EP400: variants seen among roughly 807,000 people sequenced by gnomAD.
The protein encoded by EP400 is E1A-binding protein p400.
Under a neutral mutation model 354.1 loss-of-function variants are expected in EP400, and 105 were observed. The observed-to-expected ratio is 0.30, with a 90% confidence interval of 0.25 to 0.35. The LOEUF (loss-of-function observed/expected upper bound fraction) is 0.35, where lower values mean the gene tolerates loss of function less well. Among genes scored for constraint, EP400 ranks in the 10% least tolerant of loss-of-function variants. EP400 has a pLI of 1.00. For synonymous variants in EP400, 1,646 were observed against 1,716.9 expected (o/e 0.96, Z 1.02); for missense variants, 3,280 against 4,121.0 (o/e 0.80, Z 5.59).
intron 32 of EP400, among the ~76,000 whole-genome samples, chr12:132,039,874 A>T (rs1894839804): frequency 6.6e-6 from 1 of 152,174 alleles, no homozygotes; most frequent in African/African-American, 2.4e-5. Context: ...CCCCATCTCT[A>T]CAAGAAGAAT....
Position 132,017,271 on chromosome 12 carries a change from G to A in EP400, c.3924-264G>A, listed in dbSNP as rs528118605. Among the ~76,000 whole-genome samples, 16 of 152,344 alleles carry A rather than the reference G, an allele frequency of 1.1e-4. No individual in the cohort carries two copies. In the South Asian group the frequency reaches 3.3e-3, roughly 32 times the overall value. ...CCCCCACTTCTCTTTCAGAGCACTC[G>A]GTATGATTGTGAATGAAGTGGAGTG... On this transcript the variant is annotated intron_variant, in intron 19 of 52. Transcript: ENST00000389561. The surrounding 1 kb of genome is among the most constrained non-coding windows in gnomAD (Gnocchi z 5.0).
chr12:132,052,962 A>C lies in EP400; in HGVS notation c.7395-184A>C, dbSNP rs1417676375. On this transcript the variant is annotated intron_variant, in intron 41 of 52. Coordinates refer to ENST00000389561, the MANE Select transcript of EP400 (RefSeq NM_015409.5). The surrounding 1 kb of genome is among the most constrained non-coding windows in gnomAD (Gnocchi z 4.4). Reference sequence around the variant, plus strand: ...GCCTCAAGGAAGAGGACTCAGCGCCAGGCTGAGGATGAGGTCTAGGTGGCT... The same window carrying C: ...GCCTCAAGGAAGAGGACTCAGCGCCCGGCTGAGGATGAGGTCTAGGTGGCT... 9.9e-5 allele frequency among the ~76,000 whole-genome samples: 15 copies of C among 152,050 alleles called. No homozygotes were observed. Among genetic ancestry groups the C allele is most frequent in the Admixed American group, 9.8e-4 (15 of 15,270 alleles).
rs1361212679 is a variant in EP400, at chr12:131,960,733, C to T, written c.114C>T (p.Pro38=). 1.4e-5 allele frequency: 23 copies of T among 1,610,082 alleles called. No homozygotes were observed. Among genetic ancestry groups the T allele is most frequent in the African/African-American group, 2.7e-5 (2 of 74,450 alleles). ...CCCACCCCAACCCACCCCCGTCCCC[C>T]GCAGCTCCCTTCGCTCCCTCAGCAA... The part of the protein sequence containing the change: ...QPAHPNPPPS[P]AAPFAPSASP... The change falls in exon 2 of 53, where the codon CCC becomes CCT. Residue 38 remains proline, a synonymous_variant. Coordinates refer to ENST00000389561, the MANE Select transcript of EP400 (RefSeq NM_015409.5).
At chr12:131,972,302 G>C (rs1050177750) in intron 2 of EP400, among the ~76,000 whole-genome samples, 9 of 151,880 alleles carry the variant, frequency 5.9e-5, no homozygotes, top group Non-Finnish European at 7.4e-5. Context: ...ACAGGCCCCT[G>C]CGACCACGCC....
intron 12 of EP400, among the ~76,000 whole-genome samples, chr12:132,004,853 T>G (rs1893528635): frequency 6.6e-6 from 1 of 152,192 alleles, no homozygotes; most frequent in Non-Finnish European, 1.5e-5. Flanking sequence ...ATTTTACACC[T>G]TTTATCAGTA....
At position 132,054,632 on chromosome 12, in the gene EP400, G is replaced by C. The variant is rs1395776564; in HGVS notation, c.7729-342G>C. On this transcript the variant is annotated intron_variant, in intron 43 of 52. Transcript: ENST00000389561. This position sits in a 1 kb window ranked among gnomAD's most constrained non-coding sequence, Gnocchi z 4.0. ...GAGGCCCTGAGCTTGGCTGATATGG[G>C]GGCCAGAAAGCTCAGTGTGGCTGGA... 3.3e-5 allele frequency among the ~76,000 whole-genome samples: 5 copies of C among 152,288 alleles called. No homozygotes were observed. The East Asian group carries it at 9.7e-4, about 29-fold the overall frequency.
At chr12:132,045,668 G>A in intron 38 of EP400, 59 bp from the exon 39 acceptor site, 1 of 1,605,612 alleles carries the variant, frequency 6.2e-7, no homozygotes. Context: ...TTTGGCAAGA[G>A]GGAAGACCTT....
At chr12:131,984,774 C>T (rs1265124399) in intron 5 of EP400, among the ~76,000 whole-genome samples, 1 of 151,922 alleles carries the variant, frequency 6.6e-6, no homozygotes, top group African/African-American at 2.4e-5. Flanking sequence ...TCTCCGCTCA[C>T]TGCAACCTCT....
intron 5 of EP400, among the ~76,000 whole-genome samples, chr12:131,986,139 T>C (rs1400542195): frequency 6.6e-6 from 1 of 151,856 alleles, no homozygotes; most frequent in African/African-American, 2.4e-5. Context: ...CACACCTGGC[T>C]AATTTTTAAA....
At position 132,028,187 on chromosome 12, in the gene EP400, G is replaced by T; in HGVS notation, c.5280G>T (p.Glu1760Asp). 6.2e-7 allele frequency: 1 copy of T among 1,614,190 alleles called. No individual in the cohort carries two copies. The highest frequency in any genetic ancestry group is 2.2e-5 in the East Asian group (1 of 44,880). The change falls in exon 27 of 53, where the codon GAG (glutamate) becomes GAT (aspartate). Residue 1760 changes from glutamate (E) to aspartate (D), a missense_variant. Physicochemically the swap from Glu to Asp is conservative, Grantham distance 45 (BLOSUM62 2). This residue lies in a region of EP400 where 459 missense variants were observed against 496.9 expected (regional missense o/e 0.92). Coordinates refer to ENST00000389561, the MANE Select transcript of EP400 (RefSeq NM_015409.5). ...CCCTGGATGGCCGTCGTGGGAAGGA[G>T]GCCGGGCCAGCGCACAGTTACACTT... ...RGSLDGRRGK[E>D]AGPAHSYTSS...
chr12:131,962,655 T>C (rs1593311332), intron 2 of EP400, among the ~76,000 whole-genome samples: 2 of 152,214 alleles, frequency 1.3e-5, no homozygotes, highest in South Asian at 4.1e-4. Context: ...AGTATACTTT[T>C]TGGGTGCCTG....
intron 12 of EP400, among the ~76,000 whole-genome samples, chr12:131,997,834 C>T (rs1360742545): frequency 1.3e-5 from 2 of 152,126 alleles, no homozygotes; most frequent in Admixed American, 6.6e-5. Flanking sequence ...GTCCACCGAT[C>T]AGCTATACGT....
chr12:132,055,077 T>C (rs759329899), intron 44 of EP400, 22 bp from the exon 45 acceptor site: 1 of 1,613,944 alleles, frequency 6.2e-7, no homozygotes, highest in Admixed American at 1.7e-5. Flanking sequence ...CGCTGTTGCC[T>C]TATGCCCGCC....
At chr12:132,069,383 G>T in intron 50 of EP400, 112 bp from the exon 51 acceptor site, 1 of 1,475,206 alleles carries the variant, frequency 6.8e-7, no homozygotes. Context: ...TGGTCTGGGA[G>T]GTAGGCTGGA....
At position 132,044,820 on chromosome 12, in the gene EP400, G is replaced by A. The variant is rs759957734; in HGVS notation, c.6651G>A (p.Pro2217=). ...EVMPLWTPPT[P]PQDDSDIYLD... The stretch of plus-strand genomic sequence containing the variant: ...TGCAGCTCTGGACCCCACCCACCCC[G>A]CCGCAGGACGACAGCGACATCTACC... Residue 2217 remains proline (P), a synonymous_variant, in exon 37 of 53, where the codon CCG becomes CCA. Coordinates refer to ENST00000389561, the MANE Select transcript of EP400 (RefSeq NM_015409.5). 1.4e-5 allele frequency: 23 copies of A among 1,613,794 alleles called. No individual in the cohort carries two copies. The highest frequency in any genetic ancestry group is 6.7e-5 in the Admixed American group (4 of 59,990).
In EP400 at chr12:132,028,306, A is replaced by T; in HGVS notation, c.5381+18A>T. On this transcript the variant is annotated intron_variant, in intron 27 of 52. Coordinates refer to ENST00000389561, the MANE Select transcript of EP400 (RefSeq NM_015409.5). ...ATTGACAGGTACTGCAGACCTCGTG[A>T]CCTTTTCGGTGCTCTCTGGCTGCAT... The T allele has an allele frequency of 6.2e-7, 1 of 1,605,016 alleles. No homozygotes were observed. The highest frequency in any genetic ancestry group is 1.3e-5 in the African/African-American group (1 of 74,842).
Position 132,020,056 on chromosome 12 carries a change from C to G in EP400, c.4285C>G (p.Gln1429Glu). 8.4e-6 allele frequency: 13 copies of G among 1,552,338 alleles called. No homozygotes were observed. Among genetic ancestry groups the G allele is most frequent in the Non-Finnish European group, 1.1e-5 (13 of 1,147,534 alleles). Residue 1429 changes from glutamine (Q) to glutamate (E), a missense_variant, in exon 22 of 53, where the codon CAG becomes GAG. By Grantham distance (29) the Gln-to-Glu change is conservative (BLOSUM62 2). Coordinates refer to ENST00000389561, the MANE Select transcript of EP400 (RefSeq NM_015409.5). Reference sequence around the variant, plus strand: ...GGACCAATGGGCATCTAGGTTGTTTCAGCCTGTGCAGTATGGCCAGAAGCC... The same window carrying G: ...GGACCAATGGGCATCTAGGTTGTTTGAGCCTGTGCAGTATGGCCAGAAGCC... ...AAKLKASRLF[Q>E]PVQYGQKPEG... is the part of the protein sequence containing the mutation.
At chr12:132,010,056 A>C (rs901756847) in intron 15 of EP400, among the ~76,000 whole-genome samples, 1 of 146,770 alleles carries the variant, frequency 6.8e-6, no homozygotes, top group Admixed American at 6.8e-5. Flanking sequence ...TCTGGATTTG[A>C]TTTGTGTTTA....
intron 15 of EP400, among the ~76,000 whole-genome samples, chr12:132,011,251 C>T (rs1030402720): frequency 1.3e-5 from 2 of 152,184 alleles, no homozygotes; most frequent in Admixed American, 6.5e-5. Flanking sequence ...CAATGTGTGT[C>T]TACTAAGGCC....
Sources: gnomAD v4.1 joint callset for allele counts (sites outside exome capture counted in the v4.1 genomes callset) on GRCh38, gnomAD v4.1.1 for gene constraint, gnomAD v4.1.1 regional missense constraint, Gnocchi (gnomAD v3.1) non-coding constraint, MANE v1.5 for transcripts, NCBI Gene and HGNC (gene_info 2026-07-23, HGNC 2026-07-21) for gene names.